The following SULT4A1 variants were observed in gnomAD, a reference collection of about 807,000 sequenced individuals.
The protein encoded by SULT4A1 is sulfotransferase family 4A member 1.
A neutral mutation model predicts 35.2 loss-of-function variants in SULT4A1; 11 were observed. The observed-to-expected ratio is 0.31, with a 90% CI of 0.20 to 0.52. The LOEUF (loss-of-function observed/expected upper bound fraction) is 0.52. Ranked by LOEUF, SULT4A1 falls within the 20% of genes least tolerant of loss-of-function variation. The pLI is 0.97. For missense variants in SULT4A1, 271 were observed against 383.7 expected (o/e 0.71, Z 2.45); for synonymous variants, 152 against 151.8 (o/e 1.00, Z -0.01).
rs756931157 is a variant in SULT4A1, at chr22:43,862,251, C to T, written c.132G>A (p.Arg44=). Residue 44 remains arginine, a synonymous_variant, in exon 1 of 7, where the codon CGG becomes CGA. Coordinates refer to ENST00000330884, the MANE Select transcript of SULT4A1 (RefSeq NM_014351.4). ...KMEEIANFPV[R]PSDVWIVTYP... is the part of the protein sequence containing the mutation. ...AGGTGACGATCCACACGTCGCTGGGCCGCACCGGGAAGTTGGCGATCTCCT... is the reference window on the plus strand; with the variant it reads ...AGGTGACGATCCACACGTCGCTGGGTCGCACCGGGAAGTTGGCGATCTCCT... The T allele has an allele frequency of 1.3e-6, 2 of 1,568,622 alleles. No homozygotes were observed. Among genetic ancestry groups the T allele is most frequent in the Non-Finnish European group, 1.7e-6 (2 of 1,156,882 alleles).
At chr22:43,847,580 A>G (rs902768709) in intron 1 of SULT4A1, among the ~76,000 whole-genome samples, 1 of 49,278 alleles carries the variant, frequency 2.0e-5, no homozygotes, top group South Asian at 8.1e-4. Flanking sequence ...CCAGCCCTCC[A>G]CCCACCCCCT....
chr22:43,851,436 C>T (rs1240456359), intron 1 of SULT4A1, among the ~76,000 whole-genome samples: 1 of 152,164 alleles, frequency 6.6e-6, no homozygotes, highest in Non-Finnish European at 1.5e-5. Context: ...TGGAGACTCG[C>T]TACCTGGTGA....
At chr22:43,841,437 T>C (rs2063427782) in intron 2 of SULT4A1, among the ~76,000 whole-genome samples, 1 of 152,122 alleles carries the variant, frequency 6.6e-6, no homozygotes, top group Admixed American at 6.5e-5. Context: ...TAACATTTAT[T>C]CATTCTTGAT....
At chr22:43,857,071 T>C (rs1307015384) in intron 1 of SULT4A1, among the ~76,000 whole-genome samples, 1 of 151,808 alleles carries the variant, frequency 6.6e-6, no homozygotes, top group Non-Finnish European at 1.5e-5. Flanking sequence ...CATGAATAGA[T>C]GGGATTATTT....
At position 43,826,008 on chromosome 22, in the gene SULT4A1, T is replaced by G; in HGVS notation, c.848A>C (p.Tyr283Ser). ...AGGTTGTTGTTTCTGTTATTATAAA[T>G]AAAAGTCAAACGTGAGGTCACACTT... ...MGKCDLTFDF[Y>S]L Residue 283 changes from tyrosine to serine, a missense_variant, in exon 7 of 7, where the codon TAT becomes TCT. Transcript: ENST00000330884. 1.2e-6 allele frequency: 2 copies of G among 1,613,906 alleles called. No homozygotes were observed. Among genetic ancestry groups the G allele is most frequent in the Non-Finnish European group, 1.7e-6 (2 of 1,179,906 alleles).
In SULT4A1 at chr22:43,862,460, C is replaced by T. The variant is rs1456769755; in HGVS notation, c.-78G>A. 2.7e-5 allele frequency: 19 copies of T among 694,342 alleles called. No individual in the cohort carries two copies. Among genetic ancestry groups the T allele is most frequent in the Admixed American group, 1.2e-4 (1 of 8,042 alleles). 43.0% of individuals were successfully genotyped at this position (694,342 alleles called of 1,614,324 possible). ...GCCCGCGCCCGCGCCCGCGCCCGCG[C>T]CCCGCACACGCTCGCGCCCCACCGG... On this transcript the variant is annotated 5_prime_UTR_variant, in exon 1 of 7. Transcript: ENST00000330884.
chr22:43,856,796 C>A (rs560957349), intron 1 of SULT4A1, among the ~76,000 whole-genome samples: 12 of 152,144 alleles, frequency 7.9e-5, no homozygotes, highest in Non-Finnish European at 1.3e-4. Flanking sequence ...ACCAACGAGG[C>A]GGGGTTAACT....
intron 1 of SULT4A1, among the ~76,000 whole-genome samples, chr22:43,855,795 GC>G (rs138098): frequency 0.24 from 35,759 of 151,846 alleles, 4,429 homozygotes; most frequent in African/African-American, 0.32. Flanking sequence ...GGAAAGAGCT[GC>G]CCCCACACTA....
At chr22:43,831,743 G>A (rs1037469647) in intron 5 of SULT4A1, among the ~76,000 whole-genome samples, 18 of 152,370 alleles carry the variant, frequency 1.2e-4, no homozygotes, top group Non-Finnish European at 2.1e-4. Flanking sequence ...AAGAGGCAAC[G>A]CCAAGCTCCG....
At chr22:43,851,466 T>C (rs888333892) in intron 1 of SULT4A1, among the ~76,000 whole-genome samples, 3 of 152,112 alleles carry the variant, frequency 2.0e-5, no homozygotes, top group African/African-American at 4.8e-5. Context: ...CACTCACAGG[T>C]GAAGGAGAGA....
intron 4 of SULT4A1, among the ~76,000 whole-genome samples, chr22:43,836,097 G>T (rs2063369503): frequency 6.6e-6 from 1 of 152,278 alleles, no homozygotes; most frequent in South Asian, 2.1e-4. Context: ...CACGGTCACA[G>T]AGGCTGCATG....
chr22:43,831,035 G>C (rs934919471), intron 5 of SULT4A1, among the ~76,000 whole-genome samples: 3 of 152,222 alleles, frequency 2.0e-5, no homozygotes, highest in African/African-American at 7.2e-5. Context: ...ATGCCATTGA[G>C]TCACAGACCG....
chr22:43,850,588 GC>G (rs2063504354), intron 1 of SULT4A1, among the ~76,000 whole-genome samples: 1 of 152,186 alleles, frequency 6.6e-6, no homozygotes, highest in Admixed American at 6.5e-5. Context: ...TTGGGGACAT[GC>G]CCCTGTTCCC....
intron 5 of SULT4A1, among the ~76,000 whole-genome samples, chr22:43,831,738 G>A (rs895156756): frequency 3.3e-5 from 5 of 152,242 alleles, no homozygotes; most frequent in Non-Finnish European, 5.9e-5. Context: ...TTCCAAAGAG[G>A]CAACGCCAAG....
At chr22:43,836,700 G>A (rs2063379359) in intron 4 of SULT4A1, among the ~76,000 whole-genome samples, 1 of 146,484 alleles carries the variant, frequency 6.8e-6, no homozygotes, top group African/African-American at 2.6e-5. Context: ...TCAAACTGAA[G>A]GCTCCACAGG....
rs1011253358 is a variant in SULT4A1 at position 43,837,813 on chromosome 22, A to G, written c.508+1054T>C. Among the ~76,000 whole-genome samples the G allele has an allele frequency of 4.6e-5, 7 of 152,316 alleles. No homozygotes were observed. The South Asian group carries it at 1.4e-3, about 32-fold the overall frequency. On this transcript the variant is annotated intron_variant, in intron 4 of 6. Transcript: ENST00000330884. ...CTAAGTTCCACTTAAACTCGAGGGC[A>G]TTACGTTCCAGGATCTCTGCTACAT...
intron 4 of SULT4A1, among the ~76,000 whole-genome samples, chr22:43,835,985 G>A (rs994624566): frequency 2.0e-5 from 3 of 152,322 alleles, no homozygotes; most frequent in Admixed American, 6.5e-5. Context: ...GCCCCTCCAC[G>A]CTTTTCCCTG....
At chr22:43,856,347 G>A (rs1430472113) in intron 1 of SULT4A1, among the ~76,000 whole-genome samples, 1 of 152,148 alleles carries the variant, frequency 6.6e-6, no homozygotes, top group African/African-American at 2.4e-5. Context: ...CTGTCCCTGG[G>A]CCCTGACTAC....
In SULT4A1 at chr22:43,825,734, G is replaced by C; in HGVS notation, c.*267C>G. On this transcript the variant is annotated 3_prime_UTR_variant, in exon 7 of 7. Transcript: ENST00000330884. ...GACATTCTAGTTGCATATATTACAG[G>C]CTTTATCCTTACGGTCCAGGCCATT... 1 of 344,688 alleles carries C rather than the reference G, an allele frequency of 2.9e-6. No individual in the cohort carries two copies. The highest frequency in any genetic ancestry group is 5.2e-6 in the Non-Finnish European group (1 of 190,924). 21.4% of individuals were successfully genotyped at this position (344,688 alleles called of 1,614,324 possible).
Sources: gnomAD v4.1 joint callset for allele counts (sites outside exome capture counted in the v4.1 genomes callset) on GRCh38, gnomAD v4.1.1 for gene constraint, MANE v1.5 for transcripts, NCBI Gene and HGNC (gene_info 2026-07-23, HGNC 2026-07-21) for gene names.